Variants in LACTB2 observed in about 807,000 individuals in gnomAD.
LACTB2 encodes the protein lactamase beta 2, also known as endoribonuclease LACTB2.
Under a neutral mutation model 34.8 loss-of-function variants are expected in LACTB2, and 32 were observed. The observed-to-expected ratio is 0.92, with a 90% confidence interval of 0.69 to 1.24. LACTB2 has a LOEUF of 1.24. LACTB2 is among the 50% of genes most tolerant of loss of function. The pLI, the probability that LACTB2 is intolerant of heterozygous loss-of-function variation, is 0.00. For missense variants in LACTB2, 320 were observed against 345.0 expected (o/e 0.93, Z 0.57); for synonymous variants, 120 against 117.5 (o/e 1.02, Z -0.14).
intron 3 of LACTB2, among the ~76,000 whole-genome samples, chr8:70,655,869 T>C (rs1818406389): frequency 6.6e-6 from 1 of 152,208 alleles, no homozygotes. Context: ...TTTACTGTTT[T>C]TTGATTTTTT....
Position 70,660,754 on chromosome 8 carries a change from A to T in LACTB2, c.286+980T>A, listed in dbSNP as rs535883041. 1,122 of 454,558 alleles carry T rather than the reference A, an allele frequency of 2.5e-3. 6 individuals are homozygous for T. The highest frequency in any genetic ancestry group is 3.8e-3 in the Non-Finnish European group (860 of 226,578). 28.2% of individuals were successfully genotyped at this position (454,558 alleles called of 1,614,324 possible). On this transcript the variant is annotated intron_variant, in intron 2 of 6. Transcript: ENST00000276590. ...CTTCCCTTTCTCTTCTTGTACCTTT[A>T]TTTTCCTGCATAGCACCCATGATTA...
At chr8:70,653,654 T>G (rs888929435) in intron 3 of LACTB2, 3 of 152,204 alleles carry the variant, frequency 2.0e-5, no homozygotes, top group African/African-American at 7.2e-5. Flanking sequence ...AATGGCTATC[T>G]AGTTACTAAA....
At chr8:70,638,426 C>A in intron 6 of LACTB2, 122 bp downstream of exon 6, 1 of 1,114,222 alleles carries the variant, frequency 9.0e-7, no homozygotes, top group Non-Finnish European at 1.2e-6. Context: ...CCTGTCTCTC[C>A]AACTTAAAGT....
At chr8:70,667,006 A>T (rs1032528111) in intron 1 of LACTB2, among the ~76,000 whole-genome samples, 6 of 152,188 alleles carry the variant, frequency 3.9e-5, no homozygotes, top group African/African-American at 1.2e-4. Context: ...TAATAAACAG[A>T]TAATAAAGGC....
intron 3 of LACTB2, chr8:70,652,720 A>G (rs537683908): frequency 1.3e-5 from 2 of 152,350 alleles, no homozygotes; most frequent in African/African-American, 4.8e-5. Flanking sequence ...GCCTTGTTCA[A>G]TTTGTGAAAA....
chr8:70,644,458 T>C (rs1818237510), intron 3 of LACTB2, among the ~76,000 whole-genome samples: 1 of 152,164 alleles, frequency 6.6e-6, no homozygotes, highest in South Asian at 2.1e-4. Flanking sequence ...TAAAATTTAA[T>C]ACTTTTCCCA....
At chr8:70,662,493 G>A (rs553955133) in intron 1 of LACTB2, 3 of 152,184 alleles carry the variant, frequency 2.0e-5, no homozygotes, top group African/African-American at 7.2e-5. Context: ...TGAAAATGAA[G>A]GCTTTAGTGA....
At chr8:70,643,217 T>A (rs989803650) in intron 4 of LACTB2, among the ~76,000 whole-genome samples, 7,634 of 92,952 alleles carry the variant, frequency 0.082, 309 homozygotes, top group African/African-American at 0.1. Flanking sequence ...CCTTTTTTTT[T>A]TTTTTTTTTT....
At position 70,638,612 on chromosome 8, in the gene LACTB2, T is replaced by A. The variant is rs1818153286; in HGVS notation, c.759A>T (p.Leu253Phe). 1 of 1,467,516 alleles carries A rather than the reference T, an allele frequency of 6.8e-7. No homozygotes were observed. Among genetic ancestry groups the A allele is most frequent in the East Asian group, 2.6e-5 (1 of 38,714 alleles). 90.9% of individuals were successfully genotyped at this position (1,467,516 alleles called of 1,614,324 possible). ...KIIYKNTPEN[L>F]HEMAKHNLLL... ...AGAGATTATGTTTAGCCATTTCATG[T>A]AAATTCTCAGGAGTATTCTAAAAGA... Residue 253 changes from leucine (L) to phenylalanine (F), a missense_variant, in exon 6 of 7, where the codon TTA becomes TTT. Leu to Phe is a conservative substitution (Grantham distance 22). Transcript: ENST00000276590.
chr8:70,668,911 TCTCCACTG>T, intron 1 of LACTB2, 80 bp downstream of exon 1: 13 of 1,519,854 alleles, frequency 8.6e-6, no homozygotes, highest in Non-Finnish European at 1.2e-5. Context: ...GACGCGGCGC[TCTCCACTG>T]CCCGCGCAGC....
chr8:70,640,138 T>A (rs1818178047), intron 5 of LACTB2, among the ~76,000 whole-genome samples: 1 of 152,054 alleles, frequency 6.6e-6, no homozygotes, highest in African/African-American at 2.4e-5. Context: ...TTTAAAAAAT[T>A]TCTTGTAGAG....
intron 3 of LACTB2, among the ~76,000 whole-genome samples, chr8:70,656,390 CTCTG>C (rs755068668): frequency 5.3e-5 from 8 of 152,132 alleles, no homozygotes; most frequent in Non-Finnish European, 1.0e-4. Context: ...CAGTTTCATT[CTCTG>C]TATGTGGCTA....
At chr8:70,663,195 G>A (rs1818500583) in intron 1 of LACTB2, 1 of 152,212 alleles carries the variant, frequency 6.6e-6, no homozygotes, top group Non-Finnish European at 1.5e-5. Flanking sequence ...TCAACTGTTG[G>A]TGAGAAGGGG....
At chr8:70,645,017 T>A (rs1031095617) in intron 3 of LACTB2, among the ~76,000 whole-genome samples, 9 of 152,118 alleles carry the variant, frequency 5.9e-5, no homozygotes. Context: ...TACTATATTG[T>A]ATTTTCCTAC....
chr8:70,661,833 G>C lies in LACTB2; in HGVS notation c.187C>G (p.Leu63Val), dbSNP rs1818484285. ...TGGATTGCTGTGTTAAATTCAGTTA[G>C]AGCCTGCTTTAAACAGCTGATGTAT... Reference protein sequence around the residue: ...PEYISCLKQALTEFNTAIQEI... With the variant: ...PEYISCLKQAVTEFNTAIQEI... The change falls in exon 2 of 7, where the codon CTA (leucine) becomes GTA (valine). Residue 63 changes from leucine to valine, a missense_variant. Physicochemically the swap from Leu to Val is conservative, Grantham distance 32 (BLOSUM62 1). Transcript: ENST00000276590. 8.1e-6 allele frequency: 13 copies of C among 1,613,500 alleles called. No homozygotes were observed. The East Asian group carries it at 2.5e-4, about 30-fold the overall frequency.
chr8:70,666,866 T>G (rs1818537541), intron 1 of LACTB2, among the ~76,000 whole-genome samples: 1 of 152,154 alleles, frequency 6.6e-6, no homozygotes, highest in African/African-American at 2.4e-5. Flanking sequence ...TCTGGAAAGG[T>G]TATGAGTTCA....
At chr8:70,658,179 C>A (rs1352256583) in intron 2 of LACTB2, among the ~76,000 whole-genome samples, 3 of 152,182 alleles carry the variant, frequency 2.0e-5, no homozygotes, top group Admixed American at 6.5e-5. Context: ...GGCATCCTGA[C>A]AAGTGTTGAA....
intron 1 of LACTB2, among the ~76,000 whole-genome samples, chr8:70,664,116 C>G (rs1051131908): frequency 8.5e-5 from 13 of 152,166 alleles, no homozygotes; most frequent in Admixed American, 7.2e-4. Context: ...CTCACTGCCC[C>G]TAACGTAGAG....
intron 1 of LACTB2, among the ~76,000 whole-genome samples, chr8:70,665,665 C>T (rs35109143): frequency 0.4 from 61,517 of 151,990 alleles, 13,993 homozygotes; most frequent in Non-Finnish European, 0.52. Context: ...GTAGGTACTA[C>T]ACAACCTTCA....
Sources: allele counts gnomAD v4.1 joint callset (sites outside exome capture counted in the v4.1 genomes callset), GRCh38; gene constraint gnomAD v4.1.1; transcripts MANE v1.5; gene names NCBI Gene and HGNC (gene_info 2026-07-23, HGNC 2026-07-21).